Variants in PIWIL2 observed in about 807,000 individuals in gnomAD.
PIWIL2 encodes the protein piwi-like protein 2.
PIWIL2 carries 81 observed loss-of-function variants against 116.5 expected under a neutral mutation model. The observed-to-expected ratio is 0.70, with a 90% CI of 0.58 to 0.84. The LOEUF (loss-of-function observed/expected upper bound fraction) is 0.84, where lower values mean the gene tolerates loss of function less well. Among genes scored for constraint, PIWIL2 ranks in the 40% least tolerant of loss-of-function variants. The pLI is 0.00. For synonymous variants in PIWIL2, 489 were observed against 429.5 expected (o/e 1.14, Z -1.71); for missense variants, 1,272 against 1,212.3 (o/e 1.05, Z -0.73).
Position 22,279,382 on chromosome 8 carries a change from C to T in PIWIL2, c.-5C>T, listed in dbSNP as rs1319962436. On this transcript the variant is annotated 5_prime_UTR_variant, in exon 2 of 23. Coordinates refer to ENST00000356766, the MANE Select transcript of PIWIL2 (RefSeq NM_018068.5). Reference sequence around the variant, plus strand: ...GGATCGACACGTGTTCTCTACAGCCCGTCCATGGATCCTTTCCGACCATCG... The same window carrying T: ...GGATCGACACGTGTTCTCTACAGCCTGTCCATGGATCCTTTCCGACCATCG... 1.6e-5 allele frequency: 25 copies of T among 1,612,672 alleles called. No homozygotes were observed. Among genetic ancestry groups the T allele is most frequent in the Admixed American group, 3.3e-5 (2 of 59,992 alleles).
chr8:22,293,020 G>A (rs1464551800), intron 10 of PIWIL2, among the ~76,000 whole-genome samples: 1 of 152,204 alleles, frequency 6.6e-6, no homozygotes, highest in Non-Finnish European at 1.5e-5. Context: ...AAATGTTCAA[G>A]AATATTTATT....
chr8:22,289,137 TTTC>T (rs1231928839), intron 8 of PIWIL2, among the ~76,000 whole-genome samples: 3 of 151,558 alleles, frequency 2.0e-5, no homozygotes, highest in Non-Finnish European at 4.4e-5. Flanking sequence ...CCTAATTTCT[TTTC>T]TTTTCTTTTT....
At chr8:22,305,648 C>G (rs1432813126) in intron 12 of PIWIL2, among the ~76,000 whole-genome samples, 1 of 151,636 alleles carries the variant, frequency 6.6e-6, no homozygotes, top group Non-Finnish European at 1.5e-5. Flanking sequence ...TGTCTTGAGG[C>G]CCAAGAGGGA....
At chr8:22,283,495 G>A (rs973218877) in intron 5 of PIWIL2, among the ~76,000 whole-genome samples, 12 of 152,198 alleles carry the variant, frequency 7.9e-5, no homozygotes, top group African/African-American at 2.2e-4. Flanking sequence ...TGTAACCTCC[G>A]CCTCGCGGGT....
intron 21 of PIWIL2, 48 bp from the exon 22 acceptor site, chr8:22,354,219 CTCTG>C: frequency 8.4e-7 from 1 of 1,192,506 alleles, no homozygotes; most frequent in Non-Finnish European, 1.3e-6. Context: ...TCTTTGCCAG[CTCTG>C]TCTGGCTGAA....
At chr8:22,286,197 ATCT>A (rs146321977) in intron 6 of PIWIL2, among the ~76,000 whole-genome samples, 2,205 of 152,306 alleles carry the variant, frequency 0.014, 55 homozygotes, top group African/African-American at 0.051. Flanking sequence ...GGGTGTTGTG[ATCT>A]TCTAGCAGTT....
chr8:22,314,190 T>C, intron 16 of PIWIL2, 138 bp from the exon 17 acceptor site: 1 of 439,850 alleles, frequency 2.3e-6, no homozygotes. Flanking sequence ...GGTTGGAATG[T>C]CCACCCTCTT....
At chr8:22,284,343 C>T (rs890649784) in intron 6 of PIWIL2, 71 bp downstream of exon 6, 10 of 758,068 alleles carry the variant, frequency 1.3e-5, no homozygotes, top group Non-Finnish European at 1.8e-5. Flanking sequence ...CCTGGAATAA[C>T]TGAATATTGT....
At chr8:22,295,409 G>A (rs974169278) in intron 10 of PIWIL2, among the ~76,000 whole-genome samples, 5 of 151,926 alleles carry the variant, frequency 3.3e-5, no homozygotes, top group African/African-American at 1.2e-4. Flanking sequence ...ACCGAGTTGT[G>A]TAATCCCTTC....
At chr8:22,314,820 GGTGTGTGT>G (rs1586570498) in intron 17 of PIWIL2, among the ~76,000 whole-genome samples, 1 of 151,862 alleles carries the variant, frequency 6.6e-6, no homozygotes, top group Admixed American at 6.6e-5. Flanking sequence ...TTGGGTTTGT[GGTGTGTGT>G]GTATGTGTGT....
intron 3 of PIWIL2, 66 bp from the exon 4 acceptor site, chr8:22,281,311 A>C: frequency 1.3e-6 from 2 of 1,569,052 alleles, no homozygotes; most frequent in South Asian, 2.4e-5. Flanking sequence ...TTTTTTAAAA[A>C]AAAAAACTAT....
intron 4 of PIWIL2, among the ~76,000 whole-genome samples, chr8:22,281,828 A>G (rs118194663): frequency 3.4e-5 from 5 of 148,220 alleles, no homozygotes; most frequent in South Asian, 2.1e-4. Context: ...CTGGAGTGCA[A>G]TGCCTCAATC....
chr8:22,287,709 G>T (rs1043526744), intron 7 of PIWIL2, 64 bp downstream of exon 7: 18 of 1,080,486 alleles, frequency 1.7e-5, no homozygotes, highest in Non-Finnish European at 2.6e-5. Flanking sequence ...TTTTTTGTTT[G>T]GTTTTGCTTT....
In PIWIL2 at chr8:22,357,215, G is replaced by A. The variant is rs1472297554; in HGVS notation, c.*1710G>A. ...TTTTGGTTTGTTGCGGTGCCCAGCC[G>A]AGGTTGAGGAGGGATGGGTATTGTT... On this transcript the variant is annotated 3_prime_UTR_variant, in exon 23 of 23. Transcript: ENST00000356766. 2 of 152,144 alleles carry A rather than the reference G, an allele frequency of 1.3e-5. No individual in the cohort carries two copies. The highest frequency in any genetic ancestry group is 4.8e-5 in the African/African-American group (2 of 41,444). 9.4% of individuals were successfully genotyped at this position (152,144 alleles called of 1,614,324 possible).
intron 10 of PIWIL2, among the ~76,000 whole-genome samples, chr8:22,299,821 G>T (rs1254917172): frequency 6.6e-6 from 1 of 152,104 alleles, no homozygotes; most frequent in Admixed American, 6.5e-5. Flanking sequence ...TCCTCTGCAC[G>T]CCATGGGCAG....
intron 4 of PIWIL2, 88 bp downstream of exon 4, chr8:22,281,603 C>A: frequency 9.1e-7 from 1 of 1,100,206 alleles, no homozygotes; most frequent in Non-Finnish European, 1.3e-6. Flanking sequence ...AGAGTTGTGT[C>A]ATCTCATAAT....
At chr8:22,302,191 CT>C (rs201462013) in intron 10 of PIWIL2, among the ~76,000 whole-genome samples, 25 of 150,620 alleles carry the variant, frequency 1.7e-4, no homozygotes, top group African/African-American at 5.8e-4. Context: ...TCTGATTTTT[CT>C]TTTTTTTTGA....
chr8:22,323,490 A>T (rs1250935906), intron 20 of PIWIL2, among the ~76,000 whole-genome samples: 2 of 152,134 alleles, frequency 1.3e-5, no homozygotes, highest in African/African-American at 2.4e-5. Flanking sequence ...TCAGCTTCCC[A>T]AAGTGCTGGG....
At chr8:22,281,313 A>G in intron 3 of PIWIL2, 64 bp from the exon 4 acceptor site, 1 of 1,570,250 alleles carries the variant, frequency 6.4e-7, no homozygotes, top group Non-Finnish European at 8.6e-7. Context: ...TTTTAAAAAA[A>G]AAAACTATAC....
Sources: allele counts gnomAD v4.1 joint callset (sites outside exome capture counted in the v4.1 genomes callset), GRCh38; gene constraint gnomAD v4.1.1; transcripts MANE v1.5; gene names NCBI Gene and HGNC (gene_info 2026-07-23, HGNC 2026-07-21).